Variants in GALNT13 observed in about 807,000 individuals in gnomAD.
GALNT13 encodes UDP-GalNAc:polypeptide N-acetylgalactosaminyltransferase 13.
GALNT13 carries 28 observed loss-of-function variants against 64.2 expected under a neutral mutation model. That is an observed-to-expected ratio of 0.44 (90% CI 0.32 to 0.60). The LOEUF is 0.60. GALNT13 is among the 20% of genes least tolerant of loss of function. The pLI, the probability that GALNT13 is intolerant of heterozygous loss-of-function variation, is 0.05. For missense variants in GALNT13, 577 were observed against 669.8 expected, an observed-to-expected ratio of 0.86 and a Z score of 1.53; for synonymous variants, 214 against 224.6, an observed-to-expected ratio of 0.95 and a Z score of 0.42.
intron 9 of GALNT13, among the ~76,000 whole-genome samples, chr2:154,353,053 C>T (rs529922971): frequency 6.6e-6 from 1 of 152,266 alleles, no homozygotes; most frequent in African/African-American, 2.4e-5. Context: ...AGAATATGAG[C>T]TTTACACTAC....
the GALNT13 span, among the ~76,000 whole-genome samples, chr2:153,609,267 A>T: frequency 6.6e-6 from 1 of 152,080 alleles, no homozygotes; most frequent in African/African-American, 2.4e-5. Context: ...TGTATTTTGA[A>T]GTATAATTTT....
intron 3 of GALNT13, among the ~76,000 whole-genome samples, chr2:154,097,854 TCA>T (rs1255854184): frequency 2.0e-5 from 3 of 152,118 alleles, no homozygotes; most frequent in Non-Finnish European, 4.4e-5. Context: ...TTCATTTCCC[TCA>T]GTTTCTTCAT....
At chr2:153,931,786 A>T (rs1335629586) in intron 2 of GALNT13, among the ~76,000 whole-genome samples, 1 of 152,002 alleles carries the variant, frequency 6.6e-6, no homozygotes, top group East Asian at 1.9e-4. Flanking sequence ...GGATTTTTAC[A>T]TCTATGGTCA....
the GALNT13 span, among the ~76,000 whole-genome samples, chr2:153,673,651 C>A: frequency 0.011 from 1,636 of 152,272 alleles, 20 homozygotes; most frequent in South Asian, 0.056. Context: ...CAACACAAGA[C>A]AAGGATGCCC....
chr2:153,147,499 T>C, the GALNT13 span, among the ~76,000 whole-genome samples: 1 of 151,692 alleles, frequency 6.6e-6, no homozygotes, highest in African/African-American at 2.4e-5. Flanking sequence ...TTCTGGTGAT[T>C]TGTCACCTCG....
intron 4 of GALNT13, among the ~76,000 whole-genome samples, chr2:154,163,619 T>C (rs1005346476): frequency 1.3e-5 from 2 of 152,200 alleles, no homozygotes; most frequent in Non-Finnish European, 2.9e-5. Flanking sequence ...GATGGCTGTG[T>C]GTCCTTTCAT....
the GALNT13 span, among the ~76,000 whole-genome samples, chr2:153,548,230 A>AT: frequency 6.6e-6 from 1 of 152,114 alleles, no homozygotes; most frequent in African/African-American, 2.4e-5. Context: ...GACACCCTGC[A>AT]TTTCTAAGAA....
chr2:153,718,246 G>A, the GALNT13 span, among the ~76,000 whole-genome samples: 1 of 151,906 alleles, frequency 6.6e-6, no homozygotes, highest in African/African-American at 2.4e-5. Context: ...TTTGTTAATG[G>A]TCCAATGCAA....
intron 3 of GALNT13, among the ~76,000 whole-genome samples, chr2:153,960,809 A>G (rs1171567605): frequency 1.3e-5 from 2 of 152,172 alleles, no homozygotes; most frequent in East Asian, 1.9e-4. Flanking sequence ...GCTGATGTTT[A>G]TAATACAATA....
chr2:153,562,036 C>T, the GALNT13 span, among the ~76,000 whole-genome samples: 4 of 120,904 alleles, frequency 3.3e-5, no homozygotes, highest in South Asian at 6.0e-4. Context: ...TCTCCTCTCT[C>T]TCTCTTTCTC....
intron 3 of GALNT13, among the ~76,000 whole-genome samples, chr2:154,097,470 C>A (rs1289718931): frequency 6.6e-6 from 1 of 152,016 alleles, no homozygotes; most frequent in Non-Finnish European, 1.5e-5. Flanking sequence ...TGTTTCTGTA[C>A]TTATCTTGAT....
At chr2:153,562,042 T>TTCTCTCTCTC in the GALNT13 span, among the ~76,000 whole-genome samples, 1 of 112,736 alleles carries the variant, frequency 8.9e-6, no homozygotes, top group African/African-American at 3.4e-5. Flanking sequence ...CTCTCTCTCT[T>TTCTCTCTCTC]TCTCTCTCTC....
At chr2:154,016,764 A>G (rs1697037198) in intron 3 of GALNT13, among the ~76,000 whole-genome samples, 1 of 152,240 alleles carries the variant, frequency 6.6e-6, no homozygotes, top group African/African-American at 2.4e-5. Flanking sequence ...TTGAGGATTT[A>G]TATAAAACAA....
At chr2:154,022,370 A>G (rs995729599) in intron 3 of GALNT13, among the ~76,000 whole-genome samples, 37 of 152,132 alleles carry the variant, frequency 2.4e-4, no homozygotes, top group African/African-American at 8.4e-4. Flanking sequence ...GATTATTGCC[A>G]CAATTTCAGA....
the GALNT13 span, among the ~76,000 whole-genome samples, chr2:153,847,221 T>C: frequency 4.6e-5 from 7 of 152,060 alleles, no homozygotes; most frequent in Non-Finnish European, 8.8e-5. Context: ...TTAATGCATC[T>C]AATATTACCT....
intron 1 of GALNT13, among the ~76,000 whole-genome samples, chr2:153,892,802 C>T (rs1477857637): frequency 6.6e-6 from 1 of 151,920 alleles, no homozygotes; most frequent in East Asian, 1.9e-4. Context: ...CCTCTGTCTT[C>T]ATTTTAAATA....
the GALNT13 span, among the ~76,000 whole-genome samples, chr2:153,084,622 C>A: frequency 6.6e-6 from 1 of 152,256 alleles, no homozygotes; most frequent in East Asian, 1.9e-4. Flanking sequence ...CTCATGAGAT[C>A]TGATGGCTTT....
At chr2:154,273,381 A>T (rs548292483) in intron 8 of GALNT13, among the ~76,000 whole-genome samples, 91 of 152,290 alleles carry the variant, frequency 6.0e-4, no homozygotes, top group Non-Finnish European at 9.1e-4. Flanking sequence ...AAGTGAGCTC[A>T]GTTCTCCTGT....
intron 4 of GALNT13, among the ~76,000 whole-genome samples, chr2:154,141,225 T>G (rs1459547807): frequency 6.6e-6 from 1 of 152,264 alleles, no homozygotes; most frequent in East Asian, 1.9e-4. Flanking sequence ...TGTACGCTAC[T>G]TGTAGACTTT....
Sources: allele counts gnomAD v4.1 joint callset (sites outside exome capture counted in the v4.1 genomes callset), GRCh38; gene constraint gnomAD v4.1.1; transcripts MANE v1.5; gene names NCBI Gene and HGNC (gene_info 2026-07-23, HGNC 2026-07-21).